The following GPHN variants were observed in gnomAD, a reference collection of about 807,000 sequenced individuals.
GPHN encodes the protein gephyrin.
Under a neutral mutation model 95.5 loss-of-function variants are expected in GPHN, and 17 were observed. The ratio of observed to expected loss-of-function variants is 0.18; its 90% confidence interval spans 0.12 to 0.27. The LOEUF is 0.27. Among genes scored for constraint, GPHN ranks in the 10% least tolerant of loss-of-function variants. The probability of loss-of-function intolerance (pLI) is 1.00; values close to 1 mark genes in which losing one functional copy is unlikely to be tolerated. For missense variants in GPHN, 660 were observed against 978.1 expected (o/e 0.67, Z 4.34); for synonymous variants, 320 against 322.5 (o/e 0.99, Z 0.08).
the GPHN span, among the ~76,000 whole-genome samples, chr14:67,645,163 A>G: frequency 6.7e-6 from 1 of 149,988 alleles, no homozygotes; most frequent in Non-Finnish European, 1.5e-5. Context: ...AGACTGTACC[A>G]TTTACCTAGA....
intron 2 of GPHN, among the ~76,000 whole-genome samples, chr14:66,703,023 C>G (rs1164401035): frequency 7.2e-6 from 1 of 138,716 alleles, no homozygotes; most frequent in Admixed American, 7.3e-5. Flanking sequence ...GCCGAATCGA[C>G]CAAGTGGAAG....
In GPHN at chr14:66,952,087, G is replaced by A. The variant is rs562109345; in HGVS notation, c.829-13104G>A. ...ATCATTTTAAAGTGTGTGATTCAGT[G>A]ACTTTTACTACATTCACAGTGTTGT... On this transcript the variant is annotated intron_variant, in intron 8 of 22. Coordinates refer to ENST00000478722, the MANE Select transcript of GPHN (RefSeq NM_020806.5). 2.0e-4 allele frequency among the ~76,000 whole-genome samples: 30 copies of A among 152,192 alleles called. No homozygotes were observed. The East Asian group carries it at 5.8e-3, about 29-fold the overall frequency.
chr14:66,995,065 A>G (rs1163918844), intron 9 of GPHN, among the ~76,000 whole-genome samples: 1 of 152,146 alleles, frequency 6.6e-6, no homozygotes. Flanking sequence ...CTTCTCCAGT[A>G]CCTTCATTTC....
At chr14:66,807,911 T>A (rs1421603414) in intron 3 of GPHN, among the ~76,000 whole-genome samples, 1 of 152,226 alleles carries the variant, frequency 6.6e-6, no homozygotes, top group Non-Finnish European at 1.5e-5. Context: ...TAGACATGAC[T>A]TAGAACTACC....
chr14:67,324,975 G>A, the GPHN span, among the ~76,000 whole-genome samples: 2 of 141,880 alleles, frequency 1.4e-5, no homozygotes, highest in Non-Finnish European at 3.0e-5. Context: ...CGCAATCTCG[G>A]CTGACTGCAA....
chr14:66,641,766 G>GA (rs1939129576), intron 1 of GPHN, among the ~76,000 whole-genome samples: 1 of 151,968 alleles, frequency 6.6e-6, no homozygotes, highest in African/African-American at 2.4e-5. Flanking sequence ...ACATTCTTTT[G>GA]AAGTTCAGAT....
the GPHN span, chr14:67,651,710 G>A: frequency 2.7e-6 from 1 of 373,298 alleles, no homozygotes; most frequent in Non-Finnish European, 4.9e-6. Flanking sequence ...GCATAAAAAT[G>A]GATTCTGAAA....
intron 2 of GPHN, among the ~76,000 whole-genome samples, chr14:66,761,885 C>T (rs1037429102): frequency 7.2e-5 from 11 of 152,174 alleles, no homozygotes; most frequent in African/African-American, 2.7e-4. Flanking sequence ...TGGTCTTGAT[C>T]TCCTGACCTC....
intron 3 of GPHN, among the ~76,000 whole-genome samples, chr14:66,814,679 A>T (rs1012895670): frequency 2.0e-5 from 3 of 152,208 alleles, no homozygotes; most frequent in Non-Finnish European, 4.4e-5. Flanking sequence ...AACCTCAAAG[A>T]TTGAAGATAG....
At chr14:67,644,736 C>T in the GPHN span, among the ~76,000 whole-genome samples, 6 of 152,166 alleles carry the variant, frequency 3.9e-5, no homozygotes, top group South Asian at 2.1e-4. Context: ...TAGTGGCTCA[C>T]GCCTGTAATC....
At chr14:67,144,249 AAAT>A (rs1226276642) in intron 18 of GPHN, among the ~76,000 whole-genome samples, 1,296 of 68,766 alleles carry the variant, frequency 0.019, 7 homozygotes, top group Middle Eastern at 0.03. Context: ...AAAAAAAAAA[AAAT>A]ATATATATAT....
chr14:66,727,893 G>C (rs1471367483), intron 2 of GPHN, among the ~76,000 whole-genome samples: 2 of 152,174 alleles, frequency 1.3e-5, no homozygotes, highest in African/African-American at 4.8e-5. Context: ...CCAATACAAT[G>C]GGGAAAATGT....
intron 1 of GPHN, among the ~76,000 whole-genome samples, chr14:66,603,076 T>G (rs2062335691): frequency 2.6e-5 from 4 of 151,862 alleles, no homozygotes; most frequent in Non-Finnish European, 4.4e-5. Flanking sequence ...TAAAAACAAT[T>G]GAAAAAATTG....
intron 4 of GPHN, among the ~76,000 whole-genome samples, chr14:66,845,396 A>C (rs2153511850): frequency 6.6e-6 from 1 of 152,308 alleles, no homozygotes; most frequent in South Asian, 2.1e-4. Flanking sequence ...CCAAATGATA[A>C]AATTTAGAAG....
rs547589257 is a variant in GPHN at position 67,096,369 on chromosome 14, A to G, written c.1238-4487A>G. On this transcript the variant is annotated intron_variant, in intron 12 of 22. Coordinates refer to ENST00000478722, the MANE Select transcript of GPHN (RefSeq NM_020806.5). ...TTGCCCCAGATGACCTCCCCAGATG[A>G]CCTCCAGCTACTCATTATTCAGTTT... is the stretch of plus-strand genomic sequence containing the variant. Among the ~76,000 whole-genome samples the G allele has an allele frequency of 5.3e-5, 8 of 152,174 alleles. No homozygotes were observed. The East Asian group carries it at 1.5e-3, about 29-fold the overall frequency.
At chr14:66,822,095 G>A (rs1331731242) in intron 3 of GPHN, among the ~76,000 whole-genome samples, 4 of 152,102 alleles carry the variant, frequency 2.6e-5, no homozygotes, top group Admixed American at 2.6e-4. Context: ...GGGATTAGAG[G>A]CACCCACCAC....
At chr14:66,779,218 A>C (rs2153462791) in intron 3 of GPHN, among the ~76,000 whole-genome samples, 1 of 152,326 alleles carries the variant, frequency 6.6e-6, no homozygotes, top group South Asian at 2.1e-4. Context: ...AAAAATTTCA[A>C]GAAATTTATT....
At chr14:67,463,658 A>C in the GPHN span, among the ~76,000 whole-genome samples, 1 of 150,498 alleles carries the variant, frequency 6.6e-6, no homozygotes, top group African/African-American at 2.4e-5. Context: ...AAAAAAAAAA[A>C]AAAAAAGATT....
intron 10 of GPHN, among the ~76,000 whole-genome samples, chr14:67,025,594 T>C (rs1161633713): frequency 6.6e-6 from 1 of 152,220 alleles, no homozygotes; most frequent in Non-Finnish European, 1.5e-5. Context: ...TGAGCTAGTT[T>C]TTTATTGGTT....
Sources: gnomAD v4.1 joint callset for allele counts (sites outside exome capture counted in the v4.1 genomes callset) on GRCh38, gnomAD v4.1.1 for gene constraint, MANE v1.5 for transcripts, NCBI Gene and HGNC (gene_info 2026-07-23, HGNC 2026-07-21) for gene names.